ADAMTS12: variants seen among roughly 807,000 people sequenced by gnomAD.
ADAMTS12 encodes the protein A disintegrin and metalloproteinase with thrombospondin motifs 12.
Under a neutral mutation model 167.8 loss-of-function variants are expected in ADAMTS12, and 118 were observed. The ratio of observed to expected loss-of-function variants is 0.70; its 90% CI spans 0.61 to 0.82. ADAMTS12 has a LOEUF of 0.82. Among genes scored for constraint, ADAMTS12 ranks in the 40% least tolerant of loss-of-function variants. The probability of loss-of-function intolerance (pLI) is 0.00; values close to 1 mark genes in which losing one functional copy is unlikely to be tolerated. For synonymous variants in ADAMTS12, 704 were observed against 716.9 expected, an observed-to-expected ratio of 0.98 and a Z score of 0.29; for missense variants, 1,916 against 1,998.8, an observed-to-expected ratio of 0.96 and a Z score of 0.79.
At chr5:33,568,818 G>A (rs745877130) in intron 19 of ADAMTS12, among the ~76,000 whole-genome samples, 3 of 152,252 alleles carry the variant, frequency 2.0e-5, no homozygotes, top group Non-Finnish European at 2.9e-5. Context: ...AGCGCAAGGG[G>A]TCAGGGAGTT....
chr5:33,789,355 G>A (rs984351489), intron 2 of ADAMTS12, among the ~76,000 whole-genome samples: 1 of 152,194 alleles, frequency 6.6e-6, no homozygotes, highest in Non-Finnish European at 1.5e-5. Flanking sequence ...CCTCCCCCAG[G>A]GCTGAGAGTG....
intron 6 of ADAMTS12, 53 bp downstream of exon 6, chr5:33,661,863 T>G: frequency 3.1e-6 from 5 of 1,607,982 alleles, no homozygotes; most frequent in Non-Finnish European, 4.2e-6. Flanking sequence ...GCCTTTCACC[T>G]GCCATCCCTC....
At chr5:33,688,771 T>C (rs1374633653) in intron 3 of ADAMTS12, among the ~76,000 whole-genome samples, 1 of 152,244 alleles carries the variant, frequency 6.6e-6, no homozygotes, top group Non-Finnish European at 1.5e-5. Context: ...CTGCTTATTC[T>C]ACTTAGAAAA....
chr5:33,642,355 T>C (rs1740494838), intron 10 of ADAMTS12, among the ~76,000 whole-genome samples: 1 of 152,212 alleles, frequency 6.6e-6, no homozygotes. Flanking sequence ...CTTATCTTGT[T>C]GCAAACCACA....
At chr5:33,803,941 A>T (rs2112476622) in intron 2 of ADAMTS12, among the ~76,000 whole-genome samples, 1 of 152,298 alleles carries the variant, frequency 6.6e-6, no homozygotes, top group East Asian at 1.9e-4. Flanking sequence ...CACAGAGCCA[A>T]ACCATATCAA....
chr5:33,653,920 C>G (rs989465241), intron 7 of ADAMTS12, among the ~76,000 whole-genome samples: 3 of 152,166 alleles, frequency 2.0e-5, no homozygotes, highest in Non-Finnish European at 4.4e-5. Flanking sequence ...TCCTCTCTTT[C>G]TGAGGCTCCA....
chr5:33,853,085 G>C (rs1749279140), intron 2 of ADAMTS12, among the ~76,000 whole-genome samples: 1 of 152,168 alleles, frequency 6.6e-6, no homozygotes, highest in African/African-American at 2.4e-5. Flanking sequence ...TGTCCTCCCG[G>C]AACCGAGCAG....
intron 20 of ADAMTS12, among the ~76,000 whole-genome samples, chr5:33,550,686 G>A (rs1745216416): frequency 6.6e-6 from 1 of 152,042 alleles, no homozygotes. Context: ...CTTGTAATTT[G>A]TCTCAGCTCC....
intron 3 of ADAMTS12, among the ~76,000 whole-genome samples, chr5:33,726,475 T>C (rs1214083876): frequency 1.3e-5 from 2 of 152,156 alleles, no homozygotes; most frequent in Non-Finnish European, 2.9e-5. Flanking sequence ...GAAAAAAAGA[T>C]TTGCAAATGG....
chr5:33,539,458 T>A (rs1744578067), intron 22 of ADAMTS12, among the ~76,000 whole-genome samples: 1 of 152,220 alleles, frequency 6.6e-6, no homozygotes. Context: ...CAACTCCTCT[T>A]TGCTCTAGGA....
At chr5:33,861,437 T>C (rs2111693368) in intron 2 of ADAMTS12, among the ~76,000 whole-genome samples, 1 of 152,254 alleles carries the variant, frequency 6.6e-6, no homozygotes, top group African/African-American at 2.4e-5. Context: ...AAGAAGGGCA[T>C]TACATAATGG....
intron 2 of ADAMTS12, among the ~76,000 whole-genome samples, chr5:33,753,748 G>T (rs1745078714): frequency 6.6e-6 from 1 of 152,194 alleles, no homozygotes; most frequent in Non-Finnish European, 1.5e-5. Flanking sequence ...GAAAGCCTGA[G>T]AACCAAACCA....
intron 2 of ADAMTS12, among the ~76,000 whole-genome samples, chr5:33,754,622 C>G (rs1481565560): frequency 6.6e-6 from 1 of 152,270 alleles, no homozygotes; most frequent in African/African-American, 2.4e-5. Context: ...GTGGGTGGAT[C>G]ACTCAAGGTC....
chr5:33,773,854 T>C (rs754119391), intron 2 of ADAMTS12, among the ~76,000 whole-genome samples: 2 of 152,150 alleles, frequency 1.3e-5, no homozygotes, highest in Non-Finnish European at 2.9e-5. Flanking sequence ...GAAAGAAATA[T>C]GGCCAAGAAG....
chr5:33,599,808 T>C (rs1360029546), intron 16 of ADAMTS12, among the ~76,000 whole-genome samples: 2 of 152,218 alleles, frequency 1.3e-5, no homozygotes, highest in Non-Finnish European at 2.9e-5. Context: ...AAAATCTTTC[T>C]TTGACATAGG....
In ADAMTS12 at chr5:33,577,001, T is replaced by C. The variant is rs1307071718; in HGVS notation, c.3025A>G (p.Thr1009Ala). 1.9e-6 allele frequency: 3 copies of C among 1,614,068 alleles called. No homozygotes were observed. The highest frequency in any genetic ancestry group is 2.5e-6 in the Non-Finnish European group (3 of 1,180,030). ...GGTGGGTTTTTTCCATTGGAAATAG[T>C]GCCTTTGTTTGGTTTCAGAACTCTC... The part of the protein sequence containing the change: ...SRRVLKPNKG[T>A]ISNGKNPPTL... Residue 1009 changes from threonine to alanine, a missense_variant, in exon 19 of 24, where the codon ACT becomes GCT. Coordinates refer to ENST00000504830, the MANE Select transcript of ADAMTS12 (RefSeq NM_030955.4).
intron 3 of ADAMTS12, among the ~76,000 whole-genome samples, chr5:33,718,803 T>C (rs1336579108): frequency 2.0e-5 from 3 of 152,192 alleles, no homozygotes; most frequent in Non-Finnish European, 4.4e-5. Flanking sequence ...TTTAGTGCAG[T>C]ACAGCAGTGC....
At chr5:33,553,688 G>C (rs1745360689) in intron 20 of ADAMTS12, among the ~76,000 whole-genome samples, 1 of 152,132 alleles carries the variant, frequency 6.6e-6, no homozygotes, top group Non-Finnish European at 1.5e-5. Context: ...ACATGGAGGG[G>C]AACACCACAC....
intron 2 of ADAMTS12, among the ~76,000 whole-genome samples, chr5:33,819,442 C>A (rs1252289845): frequency 6.6e-6 from 1 of 151,682 alleles, no homozygotes; most frequent in Non-Finnish European, 1.5e-5. Flanking sequence ...TGTTTTTATG[C>A]CAGTATCATA....
Sources: gnomAD v4.1 joint callset for allele counts (sites outside exome capture counted in the v4.1 genomes callset) on GRCh38, gnomAD v4.1.1 for gene constraint, MANE v1.5 for transcripts, NCBI Gene and HGNC (gene_info 2026-07-23, HGNC 2026-07-21) for gene names.